Variants in WDHD1 observed in about 807,000 individuals in gnomAD.
WDHD1 encodes WD repeat and HMG-box DNA binding protein 1.
In WDHD1, 111 loss-of-function variants were observed where a neutral mutation model predicts 135.4. The observed-to-expected ratio is 0.82, with a 90% confidence interval of 0.70 to 0.96. WDHD1 has a LOEUF of 0.96. WDHD1 is among the 40% of genes least tolerant of loss of function. The pLI, the probability that WDHD1 is intolerant of heterozygous loss-of-function variation, is 0.00. For synonymous variants in WDHD1, 434 were observed against 439.0 expected (o/e 0.99, Z 0.14); for missense variants, 1,351 against 1,336.3 (o/e 1.01, Z -0.17).
At chr14:54,985,115 G>A (rs940359761) in intron 14 of WDHD1, among the ~76,000 whole-genome samples, 3 of 152,078 alleles carry the variant, frequency 2.0e-5, no homozygotes, top group Non-Finnish European at 4.4e-5. Context: ...CTTACTACAC[G>A]CCAGCATTGG....
At chr14:54,948,031 C>T (rs770967134) in intron 24 of WDHD1, among the ~76,000 whole-genome samples, 3 of 151,876 alleles carry the variant, frequency 2.0e-5, no homozygotes, top group South Asian at 2.1e-4. Context: ...GCCTGACCAA[C>T]ATGGAGAAAC....
chr14:54,961,942 T>G (rs1055953771), intron 21 of WDHD1, among the ~76,000 whole-genome samples: 1 of 151,976 alleles, frequency 6.6e-6, no homozygotes, highest in Non-Finnish European at 1.5e-5. Context: ...GTTCAAGTGA[T>G]TCTCCTGCTT....
At chr14:55,026,904 C>T (rs2042456173) in intron 1 of WDHD1, 101 bp from the exon 2 acceptor site, 4 of 1,133,444 alleles carry the variant, frequency 3.5e-6, no homozygotes, top group Non-Finnish European at 5.3e-6. Context: ...GCCCGTTCTC[C>T]GCAGCCCGGT....
chr14:55,021,035 GA>G (rs904676056), intron 2 of WDHD1, among the ~76,000 whole-genome samples: 15 of 152,206 alleles, frequency 9.9e-5, no homozygotes, highest in African/African-American at 3.6e-4. Flanking sequence ...AGAGGTGGAA[GA>G]GGGGGAGGAA....
At position 54,957,592 on chromosome 14, in the gene WDHD1, C is replaced by T. The variant is rs2041181615; in HGVS notation, c.2745G>A (p.Lys915=). The part of the protein sequence containing the change: ...FSSQGRVNPF[K]VSASSKEPAM... ...TAAAACATCACTTGGAAGAGTTTAC[C>T]TTAAAGGGATTTACTCGTCCTTGGC... The change falls in exon 22 of 26, where the codon AAG becomes AAA. Residue 915 remains lysine, a splice_region_variant and synonymous_variant. Coordinates refer to ENST00000360586, the MANE Select transcript of WDHD1 (RefSeq NM_007086.4). 6.2e-7 allele frequency: 1 copy of T among 1,601,498 alleles called. No homozygotes were observed. The highest frequency in any genetic ancestry group is 2.2e-5 in the East Asian group (1 of 44,804).
At chr14:55,005,453 G>A (rs2140218909) in intron 7 of WDHD1, 1 of 568,400 alleles carries the variant, frequency 1.8e-6, no homozygotes, top group Admixed American at 1.9e-5. Flanking sequence ...AGTATTCCTG[G>A]ATGATATGAC....
chr14:55,005,041 C>T, intron 7 of WDHD1: 1 of 545,882 alleles, frequency 1.8e-6, no homozygotes, highest in Non-Finnish European at 3.6e-6. Flanking sequence ...TTGGTCACAG[C>T]CTTTTCAGCA....
rs1443724975 is a variant in WDHD1 at position 55,007,371 on chromosome 14, CAT to C, written c.507_508del (p.Ala171TyrfsTer2). On this transcript the variant is annotated frameshift_variant and splice_region_variant, in exon 7 of 26. Coordinates refer to ENST00000360586, the MANE Select transcript of WDHD1 (RefSeq NM_007086.4). LOFTEE classifies it high-confidence loss of function. ...TTGTAGCAGTGGCCAACTAATAGCA[CAT>C]GTCTAATTGGTAAAAAAAGAAAATT... 6.3e-6 allele frequency: 10 copies of C among 1,591,196 alleles called. No individual in the cohort carries two copies. The highest frequency in any genetic ancestry group is 6.8e-6 in the Non-Finnish European group (8 of 1,171,872).
chr14:54,997,333 T>C (rs2041898726), intron 10 of WDHD1, among the ~76,000 whole-genome samples: 1 of 152,064 alleles, frequency 6.6e-6, no homozygotes, highest in Non-Finnish European at 1.5e-5. Flanking sequence ...TGACCTCAGG[T>C]GATAAACCCA....
chr14:54,963,001 C>G lies in WDHD1; in HGVS notation c.2482G>C (p.Val828Leu), dbSNP rs771458514. The change falls in exon 19 of 26, where the codon GTG becomes CTG. Residue 828 changes from valine to leucine, a missense_variant. Val to Leu is a conservative substitution (Grantham distance 32). Around this residue, in one of 2 missense-constraint regions of WDHD1, gnomAD observed 1,330 missense variants for 1,296.1 expected, o/e 1.03. Transcript: ENST00000360586. The stretch of plus-strand genomic sequence containing the variant: ...TCTTCTTCTTCTTCTTCCTCTTCCA[C>G]CTGGGTTGCTGTCAATTCGGCTGCC... ...EKAAELTATQ[V>L]EEEEEEEDFR... The G allele has an allele frequency of 3.5e-5, 56 of 1,613,728 alleles. No individual in the cohort carries two copies. Among genetic ancestry groups the G allele is most frequent in the Non-Finnish European group, 4.5e-5 (53 of 1,179,920 alleles).
intron 23 of WDHD1, among the ~76,000 whole-genome samples, chr14:54,955,977 A>G (rs1183826763): frequency 6.9e-5 from 10 of 145,572 alleles, no homozygotes; most frequent in African/African-American, 2.3e-4. Context: ...GGCTCACTGC[A>G]ACCTCCACCC....
chr14:54,973,909 AT>A (rs925976319), intron 16 of WDHD1, among the ~76,000 whole-genome samples: 1 of 152,146 alleles, frequency 6.6e-6, no homozygotes, highest in African/African-American at 2.4e-5. Flanking sequence ...ACCAATTCGC[AT>A]TTTTTTATCC....
chr14:54,970,120 T>C (rs535666168), intron 16 of WDHD1, among the ~76,000 whole-genome samples: 20 of 152,346 alleles, frequency 1.3e-4, no homozygotes, highest in African/African-American at 4.8e-4. Context: ...CTGGAAGCAT[T>C]ACCCTTAAGA....
Position 54,994,694 on chromosome 14 carries a change from G to A in WDHD1, c.1153+909C>T, listed in dbSNP as rs571115748. Among the ~76,000 whole-genome samples the A allele has an allele frequency of 1.3e-3, 202 of 151,352 alleles. 1 individual carries two copies. The highest frequency in any genetic ancestry group is 3.4e-3 in the Middle Eastern group (1 of 294). On this transcript the variant is annotated intron_variant, in intron 11 of 25. Transcript: ENST00000360586. Reference sequence around the variant, plus strand: ...AAGAATCACTTGAATCCAGGAGGCGGAGGTTGCAGTGAGCCAAAATCACAC... The same window carrying A: ...AAGAATCACTTGAATCCAGGAGGCGAAGGTTGCAGTGAGCCAAAATCACAC...
At chr14:55,024,049 T>C (rs1278510974) in intron 2 of WDHD1, among the ~76,000 whole-genome samples, 1 of 152,248 alleles carries the variant, frequency 6.6e-6, no homozygotes, top group Non-Finnish European at 1.5e-5. Context: ...ATTTCTAGGC[T>C]ACATGGTTCG....
At chr14:54,944,818 G>C (rs1359148667) in intron 24 of WDHD1, among the ~76,000 whole-genome samples, 2 of 151,958 alleles carry the variant, frequency 1.3e-5, no homozygotes, top group Non-Finnish European at 2.9e-5. Context: ...ATGTTGGTCA[G>C]GCTGGTCTCA....
chr14:54,969,801 A>G (rs778603137), intron 16 of WDHD1, among the ~76,000 whole-genome samples: 19 of 152,190 alleles, frequency 1.2e-4, no homozygotes, highest in Admixed American at 4.6e-4. Flanking sequence ...AAAATCCTCA[A>G]CAAAACACTA....
At chr14:54,982,821 A>C (rs1414156510) in intron 15 of WDHD1, among the ~76,000 whole-genome samples, 1 of 152,212 alleles carries the variant, frequency 6.6e-6, no homozygotes, top group Non-Finnish European at 1.5e-5. Flanking sequence ...ATCTCCAAAA[A>C]GAGAAATATT....
chr14:55,017,830 A>C (rs1330839701), intron 2 of WDHD1, among the ~76,000 whole-genome samples: 1 of 151,698 alleles, frequency 6.6e-6, no homozygotes, highest in African/African-American at 2.4e-5. Flanking sequence ...ATTTTTGAAA[A>C]AAACATGTTT....
Sources: allele counts gnomAD v4.1 joint callset (sites outside exome capture counted in the v4.1 genomes callset), GRCh38; gene constraint gnomAD v4.1.1; regional missense constraint gnomAD v4.1.1; transcripts MANE v1.5; gene names NCBI Gene and HGNC (gene_info 2026-07-23, HGNC 2026-07-21).